KCNQ3: variants seen among roughly 807,000 people sequenced by gnomAD.
KCNQ3 encodes the protein potassium voltage-gated channel subfamily KQT member 3.
In KCNQ3, 30 loss-of-function variants were observed where a neutral mutation model predicts 92.5. That is an observed-to-expected ratio of 0.32 (90% CI 0.24 to 0.44). The LOEUF is 0.44. Ranked by LOEUF, KCNQ3 falls within the 20% of genes least tolerant of loss-of-function variation. The probability of loss-of-function intolerance (pLI) is 1.00; values close to 1 mark genes in which losing one functional copy is unlikely to be tolerated. For synonymous variants in KCNQ3, 450 were observed against 468.8 expected (o/e 0.96, Z 0.52); for missense variants, 913 against 1,140.3 (o/e 0.80, Z 2.87).
intron 1 of KCNQ3, among the ~76,000 whole-genome samples, chr8:132,459,434 G>T (rs940842262): frequency 2.0e-5 from 3 of 152,156 alleles, no homozygotes; most frequent in East Asian, 3.9e-4. Flanking sequence ...GCTGGTATGT[G>T]CAGAGATCAC....
At chr8:132,158,708 A>G (rs1367241559) in intron 9 of KCNQ3, among the ~76,000 whole-genome samples, 1 of 152,210 alleles carries the variant, frequency 6.6e-6, no homozygotes, top group Non-Finnish European at 1.5e-5. Context: ...TTTCTCATCT[A>G]TAAAATGGGG....
intron 1 of KCNQ3, among the ~76,000 whole-genome samples, chr8:132,404,213 T>C (rs767155282): frequency 7.0e-4 from 106 of 152,006 alleles, no homozygotes; most frequent in Non-Finnish European, 1.3e-3. Flanking sequence ...GAAAGAAGCA[T>C]CACCTACCAA....
chr8:132,148,960 C>T (rs923239591), intron 9 of KCNQ3, among the ~76,000 whole-genome samples: 1 of 152,232 alleles, frequency 6.6e-6, no homozygotes, highest in Admixed American at 6.5e-5. Flanking sequence ...TATAATAAAT[C>T]TCCTGTTATA....
chr8:132,324,773 T>A (rs972133196), intron 1 of KCNQ3, among the ~76,000 whole-genome samples: 1 of 152,158 alleles, frequency 6.6e-6, no homozygotes, highest in African/African-American at 2.4e-5. Context: ...TCCCAGGGTC[T>A]CCCAGTGAGC....
At chr8:132,312,085 G>A (rs1563853864) in intron 1 of KCNQ3, among the ~76,000 whole-genome samples, 1 of 152,314 alleles carries the variant, frequency 6.6e-6, no homozygotes, top group East Asian at 1.9e-4. Context: ...CAGCAAGGAA[G>A]AGTCAGGAGA....
intron 1 of KCNQ3, among the ~76,000 whole-genome samples, chr8:132,258,866 C>T (rs1051664702): frequency 2.0e-5 from 3 of 151,836 alleles, no homozygotes; most frequent in African/African-American, 4.8e-5. Context: ...TAAGAAGATG[C>T]TATGAATAAT....
At chr8:132,367,771 A>G (rs2130733135) in intron 1 of KCNQ3, among the ~76,000 whole-genome samples, 1 of 152,302 alleles carries the variant, frequency 6.6e-6, no homozygotes, top group Non-Finnish European at 1.5e-5. Context: ...TCCCAGATCA[A>G]TTCTCAGAAT....
rs138638599 is a variant in KCNQ3 at position 132,304,233 on chromosome 8, T to A, written c.387-118052A>T. On this transcript the variant is annotated intron_variant, in intron 1 of 14. Transcript: ENST00000388996. The stretch of plus-strand genomic sequence containing the variant: ...TATTGGGGTGATGGTTACATAAAAG[T>A]CTAGAATTCACCACTATGTAATACA... 7.2e-5 allele frequency among the ~76,000 whole-genome samples: 11 copies of A among 152,196 alleles called. No homozygotes were observed. The East Asian group carries it at 1.5e-3, about 21-fold the overall frequency.
intron 1 of KCNQ3, among the ~76,000 whole-genome samples, chr8:132,373,613 G>A (rs1027265512): frequency 3.9e-5 from 6 of 152,196 alleles, no homozygotes; most frequent in East Asian, 1.9e-4. Flanking sequence ...GCTAACCAGC[G>A]TAAGAACAAA....
rs1486289362 is a variant in KCNQ3 at position 132,480,413 on chromosome 8, C to T, written c.120G>A (p.Glu40=). The change falls in exon 1 of 15, where the codon GAG becomes GAA. Residue 40 remains glutamate, a synonymous_variant. Coordinates refer to ENST00000388996, the MANE Select transcript of KCNQ3 (RefSeq NM_004519.4). ...GGDAAAAGDE[E]RKVGLAPGDV... The stretch of plus-strand genomic sequence containing the variant: ...CGCCGGGCGCCAGCCCCACTTTCCG[C>T]TCCTCGTCGCCGGCCGCCGCCGCGT... The T allele has an allele frequency of 1.3e-6, 2 of 1,497,700 alleles. No individual in the cohort carries two copies. Among genetic ancestry groups the T allele is most frequent in the Non-Finnish European group, 1.8e-6 (2 of 1,129,376 alleles). 92.8% of individuals were successfully genotyped at this position (1,497,700 alleles called of 1,614,324 possible).
At chr8:132,340,734 A>G (rs903040216) in intron 1 of KCNQ3, among the ~76,000 whole-genome samples, 4 of 152,216 alleles carry the variant, frequency 2.6e-5, no homozygotes, top group African/African-American at 9.7e-5. Flanking sequence ...ATGTATACCT[A>G]TGTAACAAAC....
chr8:132,318,413 C>T (rs1423001850), intron 1 of KCNQ3, among the ~76,000 whole-genome samples: 4 of 152,162 alleles, frequency 2.6e-5, no homozygotes, highest in Admixed American at 6.5e-5. Flanking sequence ...AGCTGGGATT[C>T]AAACTCTCAC....
At chr8:132,255,787 T>C (rs940944442) in intron 1 of KCNQ3, among the ~76,000 whole-genome samples, 23 of 152,172 alleles carry the variant, frequency 1.5e-4, no homozygotes, top group African/African-American at 5.5e-4. Context: ...CAGACTTAAG[T>C]GGGCACACAT....
intron 1 of KCNQ3, among the ~76,000 whole-genome samples, chr8:132,453,528 G>A (rs1821870649): frequency 6.6e-6 from 1 of 152,202 alleles, no homozygotes; most frequent in South Asian, 2.1e-4. Context: ...AAAACCGAGG[G>A]GCCTGCACTG....
At chr8:132,136,464 T>C (rs187039232) in intron 12 of KCNQ3, among the ~76,000 whole-genome samples, 3 of 151,970 alleles carry the variant, frequency 2.0e-5, no homozygotes, top group African/African-American at 7.2e-5. Flanking sequence ...ATTTTAAAAG[T>C]AGAAAAAAAA....
intron 1 of KCNQ3, among the ~76,000 whole-genome samples, chr8:132,308,745 C>T (rs1251905292): frequency 1.3e-5 from 2 of 152,144 alleles, no homozygotes; most frequent in African/African-American, 4.8e-5. Flanking sequence ...TCACAATAAC[C>T]CCATGACAGA....
intron 1 of KCNQ3, among the ~76,000 whole-genome samples, chr8:132,256,936 C>A (rs1235523647): frequency 6.6e-6 from 1 of 151,954 alleles, no homozygotes; most frequent in Admixed American, 6.6e-5. Flanking sequence ...ATAATGACAT[C>A]GGTGAAGGTA....
At chr8:132,197,859 G>A (rs1827345785) in intron 1 of KCNQ3, among the ~76,000 whole-genome samples, 1 of 152,182 alleles carries the variant, frequency 6.6e-6, no homozygotes, top group Non-Finnish European at 1.5e-5. Flanking sequence ...GTATCTTCAT[G>A]TTGCAAGTAC....
At chr8:132,215,783 C>A (rs538077632) in intron 1 of KCNQ3, among the ~76,000 whole-genome samples, 3 of 152,260 alleles carry the variant, frequency 2.0e-5, no homozygotes, top group African/African-American at 7.2e-5. Flanking sequence ...GGCTTCCCTG[C>A]CCTGGGTGGG....
Sources: allele counts gnomAD v4.1 joint callset (sites outside exome capture counted in the v4.1 genomes callset), GRCh38; gene constraint gnomAD v4.1.1; transcripts MANE v1.5; gene names NCBI Gene and HGNC (gene_info 2026-07-23, HGNC 2026-07-21).